LSM11: variants seen among roughly 807,000 people sequenced by gnomAD.
LSM11 encodes the protein U7 snRNA-associated Sm-like protein LSm11.
In LSM11, 14 loss-of-function variants were observed where a neutral mutation model predicts 28.1. That is an observed-to-expected ratio of 0.50 (90% confidence interval 0.33 to 0.78). The LOEUF (loss-of-function observed/expected upper bound fraction) is 0.78, where lower values mean the gene tolerates loss of function less well. Ranked by LOEUF, LSM11 falls within the 30% of genes least tolerant of loss-of-function variation. The pLI is 0.02. For missense variants in LSM11, 495 were observed against 510.6 expected, an observed-to-expected ratio of 0.97 and a Z score of 0.30; for synonymous variants, 207 against 214.2, an observed-to-expected ratio of 0.97 and a Z score of 0.30.
chr5:157,747,033 A>G (rs1435377842), intron 1 of LSM11, among the ~76,000 whole-genome samples: 1 of 152,230 alleles, frequency 6.6e-6, no homozygotes, highest in Admixed American at 6.5e-5. Context: ...ATACCAACAA[A>G]GAACTCACAC....
chr5:157,753,476 A>G (rs1761274141), intron 2 of LSM11, among the ~76,000 whole-genome samples: 1 of 152,048 alleles, frequency 6.6e-6, no homozygotes, highest in East Asian at 1.9e-4. Flanking sequence ...GCTCTCGGTG[A>G]TGAGAACTCA....
At chr5:157,746,083 G>C (rs1761142036) in intron 1 of LSM11, among the ~76,000 whole-genome samples, 1 of 151,852 alleles carries the variant, frequency 6.6e-6, no homozygotes, top group African/African-American at 2.4e-5. Flanking sequence ...AAGTTGGAAG[G>C]GGGGAAAAAA....
rs1280985863 is a variant in LSM11 at position 157,758,355 on chromosome 5, C to T, written c.*3091C>T. 1 of 152,258 alleles carries T rather than the reference C, an allele frequency of 6.6e-6. No homozygotes were observed. Among genetic ancestry groups the T allele is most frequent in the Non-Finnish European group, 1.5e-5 (1 of 68,076 alleles). 9.4% of individuals were successfully genotyped at this position (152,258 alleles called of 1,614,324 possible). On this transcript the variant is annotated 3_prime_UTR_variant, in exon 4 of 4. Coordinates refer to ENST00000286307, the MANE Select transcript of LSM11 (RefSeq NM_173491.4). ...TCCTGACCTTGGGTGATCCACCTGC[C>T]TCAGCCTCCCAAAGTGCTGGGATTA...
Position 157,755,848 on chromosome 5 carries a change from T to C in LSM11, c.*584T>C, listed in dbSNP as rs1433286062. ...GGTGAAATTTGGATAGGCGGTATGC[T>C]CAAAGCAGCCAGCAATGAGTGCTCT... On this transcript the variant is annotated 3_prime_UTR_variant, in exon 4 of 4. Coordinates refer to ENST00000286307, the MANE Select transcript of LSM11 (RefSeq NM_173491.4). 4.8e-5 allele frequency: 19 copies of C among 399,372 alleles called. No individual in the cohort carries two copies. Among genetic ancestry groups the C allele is most frequent in the Middle Eastern group, 6.3e-4 (1 of 1,588 alleles). The allele number at this position is 399,372 out of a possible 1,614,324, so 24.7% of individuals were successfully genotyped here. A position where few individuals can be genotyped will look rare whatever the true frequency, so the allele number is the denominator to read the frequency against.
intron 1 of LSM11, among the ~76,000 whole-genome samples, chr5:157,748,182 A>G (rs776111130): frequency 5.3e-5 from 8 of 152,178 alleles, no homozygotes; most frequent in Admixed American, 5.2e-4. Context: ...ATATTTTTCC[A>G]TTGCAGACTC....
rs1761324670 is a variant in LSM11 at position 157,756,172 on chromosome 5, C to G, written c.*908C>G. ...AATACACATCACACGGCTGAGAGTCCCCTTTCCAGGCAGGGCCAGCATGTG... is the reference window on the plus strand; with the variant it reads ...AATACACATCACACGGCTGAGAGTCGCCTTTCCAGGCAGGGCCAGCATGTG... On this transcript the variant is annotated 3_prime_UTR_variant, in exon 4 of 4. Coordinates refer to ENST00000286307, the MANE Select transcript of LSM11 (RefSeq NM_173491.4). 1.3e-5 allele frequency: 2 copies of G among 153,940 alleles called. No homozygotes were observed. Among genetic ancestry groups the G allele is most frequent in the Non-Finnish European group, 2.9e-5 (2 of 69,084 alleles). 9.5% of individuals were successfully genotyped at this position (153,940 alleles called of 1,614,324 possible).
chr5:157,755,070 C>G lies in LSM11; in HGVS notation c.889C>G (p.Leu297Val). The change falls in exon 4 of 4, where the codon CTG becomes GTG. Residue 297 changes from leucine to valine, a missense_variant. Leu to Val is a conservative substitution (Grantham distance 32). Coordinates refer to ENST00000286307, the MANE Select transcript of LSM11 (RefSeq NM_173491.4). The stretch of plus-strand genomic sequence containing the variant: ...TGCAAGGGAGGAGTCCAGGTCAGAG[C>G]TGTCAGGGAGGACTACACGGACAGA... ...ASAREESRSELSGRTTRTDGS... is the reference protein window; with the variant it reads ...ASAREESRSEVSGRTTRTDGS... 1 of 1,614,248 alleles carries G rather than the reference C, an allele frequency of 6.2e-7. No homozygotes were observed. The highest frequency in any genetic ancestry group is 8.5e-7 in the Non-Finnish European group (1 of 1,180,050).
At chr5:157,746,038 A>G (rs1414487552) in intron 1 of LSM11, among the ~76,000 whole-genome samples, 1 of 152,212 alleles carries the variant, frequency 6.6e-6, no homozygotes, top group Non-Finnish European at 1.5e-5. Flanking sequence ...TACACCTGCA[A>G]CAAACCTTTC....
chr5:157,751,663 C>T, intron 2 of LSM11, 134 bp downstream of exon 2: 4 of 1,014,534 alleles, frequency 3.9e-6, no homozygotes, highest in Non-Finnish European at 5.9e-6. Context: ...TTTTTGCATA[C>T]TTTTGGGCAA....
In LSM11 at chr5:157,756,112, A is replaced by G. The variant is rs1761322876; in HGVS notation, c.*848A>G. On this transcript the variant is annotated 3_prime_UTR_variant, in exon 4 of 4. Coordinates refer to ENST00000286307, the MANE Select transcript of LSM11 (RefSeq NM_173491.4). ...TTTATGTCAGGAGACTGTGACCTTCATGTCCAGCTTCAAAGAGTTGTGCAT... is the reference window on the plus strand; with the variant it reads ...TTTATGTCAGGAGACTGTGACCTTCGTGTCCAGCTTCAAAGAGTTGTGCAT... 1 of 163,570 alleles carries G rather than the reference A, an allele frequency of 6.1e-6. No homozygotes were observed. Among genetic ancestry groups the G allele is most frequent in the Non-Finnish European group, 1.3e-5 (1 of 75,618 alleles). 10.1% of individuals were successfully genotyped at this position (163,570 alleles called of 1,614,324 possible).
In LSM11 at chr5:157,755,323, T is replaced by C; in HGVS notation, c.*59T>C. 1.3e-6 allele frequency: 2 copies of C among 1,508,998 alleles called. No homozygotes were observed. The highest frequency in any genetic ancestry group is 1.2e-5 in the South Asian group (1 of 80,422). The allele number at this position is 1,508,998 out of a possible 1,614,324, so 93.5% of individuals were successfully genotyped here. On this transcript the variant is annotated 3_prime_UTR_variant, in exon 4 of 4. Transcript: ENST00000286307. ...AAGTGCATGAATTGCTGCTATGCTGTATCCTAGTATCCCAGTGAAACTCTG... is the reference window on the plus strand; with the variant it reads ...AAGTGCATGAATTGCTGCTATGCTGCATCCTAGTATCCCAGTGAAACTCTG...
At chr5:157,749,302 A>T (rs1761190446) in intron 1 of LSM11, among the ~76,000 whole-genome samples, 1 of 152,202 alleles carries the variant, frequency 6.6e-6, no homozygotes, top group East Asian at 1.9e-4. Context: ...TCTTTGTATA[A>T]ACATACATCA....
rs937134985 is a variant in LSM11 at position 157,759,573 on chromosome 5, C to A, written c.*4309C>A. 2.6e-5 allele frequency: 4 copies of A among 152,180 alleles called. No homozygotes were observed. The highest frequency in any genetic ancestry group is 4.4e-5 in the Non-Finnish European group (3 of 68,022). 9.4% of individuals were successfully genotyped at this position (152,180 alleles called of 1,614,324 possible). A position where few individuals can be genotyped will look rare whatever the true frequency, so the allele number is the denominator to read the frequency against. On this transcript the variant is annotated 3_prime_UTR_variant, in exon 4 of 4. Coordinates refer to ENST00000286307, the MANE Select transcript of LSM11 (RefSeq NM_173491.4). ...GTATTTTTTGTGAATGAAACTGTTG[C>A]TGTAGGAAAGTCAAGGTTCATGTAA...
chr5:157,744,254 C>T (rs1487363176), intron 1 of LSM11, 56 bp downstream of exon 1: 3 of 1,198,746 alleles, frequency 2.5e-6, no homozygotes, highest in Non-Finnish European at 3.2e-6. Context: ...AGCTGGCTGC[C>T]GAGGGGGCGT....
At chr5:157,746,783 G>T (rs1761154863) in intron 1 of LSM11, among the ~76,000 whole-genome samples, 1 of 152,114 alleles carries the variant, frequency 6.6e-6, no homozygotes, top group Non-Finnish European at 1.5e-5. Flanking sequence ...GGCAGCATCT[G>T]CCTCTAGTTC....
At chr5:157,748,348 G>A (rs1761176643) in intron 1 of LSM11, among the ~76,000 whole-genome samples, 1 of 152,094 alleles carries the variant, frequency 6.6e-6, no homozygotes, top group Non-Finnish European at 1.5e-5. Context: ...TGAATAGGTA[G>A]TTGTGGAGGC....
Position 157,752,635 on chromosome 5 carries a change from C to T in LSM11, c.588+1106C>T, listed in dbSNP as rs182217018. Among the ~76,000 whole-genome samples, 639 of 151,410 alleles carry T rather than the reference C, an allele frequency of 4.2e-3. 2 individuals are homozygous for T. The highest frequency in any genetic ancestry group is 0.013 in the African/African-American group (537 of 41,368). ...CCGAGGCAGGCGGATCGCCTGAGGC[C>T]AGGAGTTCAAGACCAGCCTGGCCAA... On this transcript the variant is annotated intron_variant, in intron 2 of 3. Transcript: ENST00000286307.
chr5:157,754,913 A>G lies in LSM11; in HGVS notation c.732A>G (p.Ala244=), dbSNP rs751279867. The part of the protein sequence containing the change: ...SSKKEADSKS[A]VEDSTLSRYS... ...AGAAGGAAGCAGATTCTAAGTCTGC[A>G]GTTGAAGATTCCACTCTGTCTAGAT... The change falls in exon 4 of 4, where the codon GCA becomes GCG. Residue 244 remains alanine, a synonymous_variant. Transcript: ENST00000286307. 4.3e-6 allele frequency: 7 copies of G among 1,614,064 alleles called. No homozygotes were observed. The Admixed American group carries it at 6.7e-5, about 15-fold the overall frequency.
At chr5:157,747,741 C>G (rs1254073096) in intron 1 of LSM11, 1 of 152,686 alleles carries the variant, frequency 6.5e-6, no homozygotes, top group Non-Finnish European at 1.5e-5. Flanking sequence ...TAGGCAAAAT[C>G]AAGAACATCT....
Sources: gnomAD v4.1 joint callset for allele counts (sites outside exome capture counted in the v4.1 genomes callset) on GRCh38, gnomAD v4.1.1 for gene constraint, MANE v1.5 for transcripts, NCBI Gene and HGNC (gene_info 2026-07-23, HGNC 2026-07-21) for gene names.